CDH26: variants seen among roughly 807,000 people sequenced by gnomAD.
The protein encoded by CDH26 is cadherin-like protein 26.
Under a neutral mutation model 90.3 loss-of-function variants are expected in CDH26, and 83 were observed. The ratio of observed to expected loss-of-function variants is 0.92; its 90% confidence interval spans 0.77 to 1.10. The LOEUF (loss-of-function observed/expected upper bound fraction) is 1.10. CDH26 is among the 50% of genes least tolerant of loss of function. CDH26 has a pLI of 0.00. For missense variants in CDH26, 1,013 were observed against 1,037.6 expected (o/e 0.98, Z 0.33); for synonymous variants, 397 against 396.3 (o/e 1.00, Z -0.02).
At chr20:60,019,241 G>A (rs909230278), downstream of CDH26, among the ~76,000 whole-genome samples, 8 of 152,146 alleles carry the variant, frequency 5.3e-5, no homozygotes, top group African/African-American at 1.9e-4. Flanking sequence ...TCCTGGATCT[G>A]AGTGCCTATC....
At position 59,984,753 on chromosome 20, in the gene CDH26, G is replaced by A. The variant is rs147941031; in HGVS notation, c.656G>A (p.Arg219Gln). The change falls in exon 6 of 18, where the codon CGG becomes CAG. Residue 219 changes from arginine (R) to glutamine (Q), a missense_variant. Physicochemically the swap from Arg to Gln is conservative, Grantham distance 43 (BLOSUM62 1). Coordinates refer to ENST00000348616, the MANE Select transcript of CDH26 (RefSeq NM_177980.4). ...CCATTACTGAAAGAAAGTGGTTTCC[G>A]GGTTGATCGCCTTAGTGGAGAAATA... ...QTPLLKESGF[R>Q]VDRLSGEIRL... 178 of 1,613,756 alleles carry A rather than the reference G, an allele frequency of 1.1e-4. No individual in the cohort carries two copies. The African/African-American group carries it at 1.9e-3, about 18-fold the overall frequency.
chr20:59,964,904 C>T (rs2061127218), intron 1 of CDH26, among the ~76,000 whole-genome samples: 1 of 152,184 alleles, frequency 6.6e-6, no homozygotes, highest in Non-Finnish European at 1.5e-5. Context: ...CAAGAAACCT[C>T]AATATATTCC....
At chr20:59,982,732 C>T (rs1267040716) in intron 4 of CDH26, among the ~76,000 whole-genome samples, 191 bp from the exon 5 acceptor site, 2 of 152,164 alleles carry the variant, frequency 1.3e-5, no homozygotes, top group African/African-American at 2.4e-5. Flanking sequence ...TTGCTGAGCA[C>T]CTAATCTGTG....
intron 1 of CDH26, among the ~76,000 whole-genome samples, chr20:59,960,880 A>G (rs2061061952): frequency 1.3e-5 from 2 of 152,302 alleles, no homozygotes; most frequent in Admixed American, 1.3e-4. Context: ...GGTTGGCAAT[A>G]TTCATTCAGA....
downstream of CDH26, among the ~76,000 whole-genome samples, chr20:60,034,499 G>A (rs575810211): frequency 3.3e-5 from 5 of 152,252 alleles, no homozygotes; most frequent in South Asian, 2.1e-4. Context: ...CCTCGGAGCC[G>A]TGGCTACCAG....
chr20:59,963,741 T>G (rs1266659307), intron 1 of CDH26, among the ~76,000 whole-genome samples: 1 of 151,970 alleles, frequency 6.6e-6, no homozygotes, highest in Non-Finnish European at 1.5e-5. Flanking sequence ...AGAAGAGAGA[T>G]ATTGGGTACG....
At chr20:60,002,987 A>G (rs761574998) in intron 16 of CDH26, 121 bp downstream of exon 16, 12 of 593,936 alleles carry the variant, frequency 2.0e-5, no homozygotes, top group Admixed American at 3.6e-5. Context: ...AAATATGCCC[A>G]ACATCCAAGC....
chr20:60,012,728 T>TA lies in CDH26; in HGVS notation c.*8dup, dbSNP rs370682137. ...ATATTCAGAGTCAGGTGTTCCTTCC[T>TA]AAAAAAAAAAGTCTATTTTGGAGAA... ...EIYSESGVPS[*] The change falls in exon 18 of 18, where the codon TAA becomes TAAA. Residue 833 remains the stop codon, a frameshift_variant and stop_retained_variant. Transcript: ENST00000348616. LOFTEE classifies it high-confidence loss of function. The TA allele has an allele frequency of 0.012, 15,220 of 1,314,968 alleles. 149 individuals carry two copies. Among genetic ancestry groups the TA allele is most frequent in the African/African-American group, 0.09 (5,981 of 66,756 alleles). 81.5% of individuals were successfully genotyped at this position (1,314,968 alleles called of 1,614,324 possible).
chr20:60,027,760 G>A (rs1392233998), intron 7 of CDH26, among the ~76,000 whole-genome samples: 2 of 152,180 alleles, frequency 1.3e-5, no homozygotes, highest in Non-Finnish European at 2.9e-5. Flanking sequence ...GGTGGTCCCT[G>A]AGTACTGGAA....
At chr20:60,028,884 C>T (rs749542541) in intron 7 of CDH26, among the ~76,000 whole-genome samples, 3 of 152,170 alleles carry the variant, frequency 2.0e-5, no homozygotes, top group Non-Finnish European at 2.9e-5. Flanking sequence ...TGCACTCTCA[C>T]GTTCGCTGCA....
intron 9 of CDH26, among the ~76,000 whole-genome samples, chr20:59,989,664 T>C (rs1279252005): frequency 6.6e-6 from 1 of 152,216 alleles, no homozygotes; most frequent in African/African-American, 2.4e-5. Context: ...TGTCGTCTTC[T>C]ATCCATAGGT....
intron 5 of CDH26, among the ~76,000 whole-genome samples, chr20:59,983,659 CTG>C (rs2061420481): frequency 6.6e-6 from 1 of 152,118 alleles, no homozygotes; most frequent in African/African-American, 2.4e-5. Context: ...TATACACATG[CTG>C]TGTGTTAAAA....
exon 8 of CDH26, chr20:60,031,325 A>C (rs2062038242): frequency 7.7e-7 from 1 of 1,296,142 alleles, no homozygotes; most frequent in Admixed American, 2.4e-5. Flanking sequence ...GACATTTACA[A>C]GGAGATGATG....
chr20:60,032,058 A>G (rs774003533), intron 8 of CDH26, among the ~76,000 whole-genome samples: 2 of 152,264 alleles, frequency 1.3e-5, no homozygotes, highest in African/African-American at 2.4e-5. Context: ...ATTATAATTC[A>G]ATAACTATCA....
chr20:60,000,889 C>A (rs760189187), intron 14 of CDH26, among the ~76,000 whole-genome samples: 4 of 152,168 alleles, frequency 2.6e-5, no homozygotes, highest in Non-Finnish European at 4.4e-5. Context: ...GTCAATGAGA[C>A]CATTGTCAAG....
chr20:60,006,574 C>A, intron 16 of CDH26, 139 bp from the exon 17 acceptor site: 1 of 623,866 alleles, frequency 1.6e-6, no homozygotes, highest in Non-Finnish European at 2.9e-6. Flanking sequence ...CGTGAGCAAA[C>A]TACCCTGGGC....
Position 60,024,205 on chromosome 20 carries a change from C to T in CDH26, c.948-7026C>T, listed in dbSNP as rs542985586. Among the ~76,000 whole-genome samples, 11 of 152,320 alleles carry T rather than the reference C, an allele frequency of 7.2e-5. No homozygotes were observed. In the South Asian group the frequency reaches 2.3e-3, roughly 32 times the overall value. On this transcript the variant is annotated intron_variant, in intron 7 of 8. Transcript: ENST00000370991. The stretch of plus-strand genomic sequence containing the variant: ...CCTCTGGGGGGTTGGAACAACCAAC[C>T]TTCAAAGCAAGAAGCAAACTGTGAA...
Position 60,000,616 on chromosome 20 carries a change from T to C in CDH26, c.2098-727T>C, listed in dbSNP as rs142421585. ...CTTTGCATGCCTCATCTTATTGAAT[T>C]TTCACCAGAACCCATAGGGGCGTGT... On this transcript the variant is annotated intron_variant, in intron 14 of 17. Coordinates refer to ENST00000348616, the MANE Select transcript of CDH26 (RefSeq NM_177980.4). Among the ~76,000 whole-genome samples, 249 of 152,292 alleles carry C rather than the reference T, an allele frequency of 1.6e-3. 1 individual carries two copies. The highest frequency in any genetic ancestry group is 5.7e-3 in the African/African-American group (236 of 41,554).
At chr20:59,980,061 A>G (rs1350289422) in intron 4 of CDH26, among the ~76,000 whole-genome samples, 9 of 152,114 alleles carry the variant, frequency 5.9e-5, no homozygotes, top group Admixed American at 5.9e-4. Context: ...TAACTGAACA[A>G]TTTTGCATTC....
Sources: gnomAD v4.1 joint callset for allele counts (sites outside exome capture counted in the v4.1 genomes callset) on GRCh38, gnomAD v4.1.1 for gene constraint, MANE v1.5 for transcripts, NCBI Gene and HGNC (gene_info 2026-07-23, HGNC 2026-07-21) for gene names.